Variants in EPHA4 observed in about 807,000 individuals in gnomAD.
The protein encoded by EPHA4 is EPH receptor A4.
Under a neutral mutation model 108.3 loss-of-function variants are expected in EPHA4, and 19 were observed. The ratio of observed to expected loss-of-function variants is 0.18; its 90% CI spans 0.12 to 0.26. EPHA4 has a LOEUF of 0.26. EPHA4 is among the 10% of genes least tolerant of loss of function. The pLI is 1.00. For synonymous variants in EPHA4, 449 were observed against 455.5 expected (o/e 0.99, Z 0.18); for missense variants, 917 against 1,254.0 (o/e 0.73, Z 4.06).
At chr2:221,541,965 CA>C (rs1186360886) in intron 3 of EPHA4, among the ~76,000 whole-genome samples, 3 of 151,718 alleles carry the variant, frequency 2.0e-5, no homozygotes, top group Admixed American at 6.6e-5. Context: ...AGAAAAAAAT[CA>C]AAAAAATATG....
At chr2:221,432,986 G>A (rs546828077) in intron 14 of EPHA4, among the ~76,000 whole-genome samples, 30 of 151,964 alleles carry the variant, frequency 2.0e-4, no homozygotes, top group Non-Finnish European at 1.2e-4. Flanking sequence ...CACTATGCCC[G>A]GCTAATTTTT....
At chr2:221,446,423 T>C (rs1245617669) in intron 8 of EPHA4, among the ~76,000 whole-genome samples, 1 of 152,050 alleles carries the variant, frequency 6.6e-6, no homozygotes, top group Non-Finnish European at 1.5e-5. Context: ...TGTCTTACAA[T>C]AGGTTAAAGC....
intron 3 of EPHA4, 121 bp downstream of exon 3, chr2:221,563,610 C>A (rs149522022): frequency 2.5e-6 from 3 of 1,184,356 alleles, no homozygotes; most frequent in Non-Finnish European, 3.6e-6. Flanking sequence ...CATTAGACCC[C>A]TGTGTCCCAC....
chr2:221,437,376 T>C (rs1237100521), intron 11 of EPHA4: 1 of 371,192 alleles, frequency 2.7e-6, no homozygotes, highest in Non-Finnish European at 4.9e-6. Flanking sequence ...AAGTGGCCTC[T>C]GGTATCCAGG....
chr2:221,466,053 T>C (rs1054947970), intron 5 of EPHA4, among the ~76,000 whole-genome samples: 1 of 152,120 alleles, frequency 6.6e-6, no homozygotes, highest in African/African-American at 2.4e-5. Flanking sequence ...TGTGAGAAAC[T>C]GGAATGCGCT....
At chr2:221,450,680 A>G (rs1281201141) in intron 8 of EPHA4, among the ~76,000 whole-genome samples, 1 of 151,912 alleles carries the variant, frequency 6.6e-6, no homozygotes, top group Admixed American at 6.6e-5. Flanking sequence ...TAACCACTTC[A>G]TTTTTTTCTT....
chr2:221,422,414 G>A (rs1009850524), intron 17 of EPHA4, among the ~76,000 whole-genome samples: 1 of 152,174 alleles, frequency 6.6e-6, no homozygotes, highest in Non-Finnish European at 1.5e-5. Flanking sequence ...GAGAAAGAAT[G>A]GTCTCATAAA....
chr2:221,560,368 C>A (rs1694425422), intron 3 of EPHA4, among the ~76,000 whole-genome samples: 1 of 152,092 alleles, frequency 6.6e-6, no homozygotes, highest in Non-Finnish European at 1.5e-5. Context: ...TCTTGTCCTA[C>A]CCACAAGTCA....
At chr2:221,526,015 T>C (rs1392818345) in intron 3 of EPHA4, among the ~76,000 whole-genome samples, 1 of 152,246 alleles carries the variant, frequency 6.6e-6, no homozygotes, top group Non-Finnish European at 1.5e-5. Context: ...TTTATCACAT[T>C]TCAAAAATAA....
In EPHA4 at chr2:221,434,291, C is replaced by A; in HGVS notation, c.2347G>T (p.Gly783Cys). 4.3e-6 allele frequency: 7 copies of A among 1,613,634 alleles called. No individual in the cohort carries two copies. Among genetic ancestry groups the A allele is most frequent in the Non-Finnish European group, 5.9e-6 (7 of 1,179,804 alleles). ...DDPEAAYTTRGGKIPIRWTAP... is the reference protein window; with the variant it reads ...DDPEAAYTTRCGKIPIRWTAP... Reference sequence around the variant, plus strand: ...GTCCACCGGATAGGAATCTTGCCACCCTGTGAACATTTGAGCCATAAGTTA... The same window carrying A: ...GTCCACCGGATAGGAATCTTGCCACACTGTGAACATTTGAGCCATAAGTTA... The change falls in exon 14 of 18, where the codon GGT (glycine) becomes TGT (cysteine). Residue 783 changes from glycine to cysteine, a missense_variant and splice_region_variant. By Grantham distance (159) the Gly-to-Cys change is radical (BLOSUM62 -3). This residue lies in a region of EPHA4 where 758 missense variants were observed against 1,076.7 expected (regional missense o/e 0.70). Transcript: ENST00000281821.
chr2:221,471,811 C>T (rs894707861), intron 5 of EPHA4, among the ~76,000 whole-genome samples: 5 of 152,154 alleles, frequency 3.3e-5, no homozygotes, highest in Admixed American at 3.3e-4. Flanking sequence ...CTGTTCATGG[C>T]TACAAAAGGA....
chr2:221,505,779 G>C (rs1233419778), intron 3 of EPHA4, among the ~76,000 whole-genome samples: 1 of 152,096 alleles, frequency 6.6e-6, no homozygotes, highest in Admixed American at 6.6e-5. Context: ...GCAAACGCAG[G>C]GTGCTGAAAG....
intron 3 of EPHA4, among the ~76,000 whole-genome samples, chr2:221,503,930 C>T (rs772075734): frequency 1.1e-4 from 16 of 152,240 alleles, no homozygotes; most frequent in Non-Finnish European, 1.5e-5. Context: ...CTATGTGGTG[C>T]ACAGCCTTCC....
rs1162523864 is a variant in EPHA4 at position 221,420,231 on chromosome 2, T to A, written c.*1141A>T. 6.7e-6 allele frequency: 1 copy of A among 149,682 alleles called. No homozygotes were observed. Among genetic ancestry groups the A allele is most frequent in the Non-Finnish European group, 1.5e-5 (1 of 67,242 alleles). 9.3% of individuals were successfully genotyped at this position (149,682 alleles called of 1,614,324 possible). Reference sequence around the variant, plus strand: ...CAGGAATGAAATATGGAAATACATATAAATAAAACCGCAAAGAGTCTGGGG... The same window carrying A: ...CAGGAATGAAATATGGAAATACATAAAAATAAAACCGCAAAGAGTCTGGGG... On this transcript the variant is annotated 3_prime_UTR_variant, in exon 18 of 18. Coordinates refer to ENST00000281821, the MANE Select transcript of EPHA4 (RefSeq NM_004438.5).
At chr2:221,498,271 A>G (rs1692362318) in intron 4 of EPHA4, among the ~76,000 whole-genome samples, 3 of 152,166 alleles carry the variant, frequency 2.0e-5, no homozygotes, top group African/African-American at 7.2e-5. Context: ...ATCTCAACCT[A>G]GAGAAGGCTT....
chr2:221,490,160 A>AC (rs1193781790), intron 4 of EPHA4, among the ~76,000 whole-genome samples: 6 of 151,436 alleles, frequency 4.0e-5, no homozygotes, highest in African/African-American at 1.2e-4. Flanking sequence ...AAAAAAAAAA[A>AC]AACCCACTGC....
intron 3 of EPHA4, among the ~76,000 whole-genome samples, chr2:221,549,682 T>G (rs1378458887): frequency 1.3e-5 from 2 of 152,242 alleles, no homozygotes; most frequent in African/African-American, 4.8e-5. Flanking sequence ...GTTTAAGATC[T>G]ACACAAAGCC....
intron 3 of EPHA4, among the ~76,000 whole-genome samples, chr2:221,552,666 C>A (rs1339196337): frequency 3.9e-5 from 6 of 152,182 alleles, no homozygotes; most frequent in Admixed American, 3.3e-4. Flanking sequence ...TTTTTAAACA[C>A]TTAAATCTGA....
At chr2:221,423,842 G>A (rs907753502) in intron 17 of EPHA4, among the ~76,000 whole-genome samples, 2 of 152,076 alleles carry the variant, frequency 1.3e-5, no homozygotes, top group South Asian at 2.1e-4. Flanking sequence ...CCACCTGGGC[G>A]CAGTGACCGA....
Sources: gnomAD v4.1 joint callset for allele counts (sites outside exome capture counted in the v4.1 genomes callset) on GRCh38, gnomAD v4.1.1 for gene constraint, gnomAD v4.1.1 regional missense constraint, MANE v1.5 for transcripts, NCBI Gene and HGNC (gene_info 2026-07-23, HGNC 2026-07-21) for gene names.